The following CSMD1 variants were observed in gnomAD, a reference collection of about 807,000 sequenced individuals.
The protein encoded by CSMD1 is CUB and Sushi multiple domains 1.
A neutral mutation model predicts 417.5 loss-of-function variants in CSMD1; 213 were observed. That is an observed-to-expected ratio of 0.51 (90% CI 0.46 to 0.57). CSMD1 has a LOEUF of 0.57. CSMD1 is among the 20% of genes least tolerant of loss of function. CSMD1 has a pLI of 0.00. For synonymous variants in CSMD1, 2,862 were observed against 1,736.8 expected (o/e 1.65, Z -16.11); for missense variants, 6,923 against 4,529.7 (o/e 1.53, Z -15.17).
chr8:4,593,104 T>C (rs1337068686), intron 2 of CSMD1, among the ~76,000 whole-genome samples: 1 of 152,222 alleles, frequency 6.6e-6, no homozygotes, highest in African/African-American at 2.4e-5. Flanking sequence ...GGGCCATTTC[T>C]TGGTCTCATT....
chr8:3,816,291 A>G (rs569960507), intron 5 of CSMD1, among the ~76,000 whole-genome samples: 2 of 152,264 alleles, frequency 1.3e-5, no homozygotes, highest in South Asian at 4.1e-4. Context: ...GTTGTTCCTC[A>G]TTCTCTGCAG....
chr8:3,322,297 T>A (rs1241078947), intron 23 of CSMD1, among the ~76,000 whole-genome samples: 1 of 152,216 alleles, frequency 6.6e-6, no homozygotes, highest in African/African-American at 2.4e-5. Flanking sequence ...TTAGAGCCAT[T>A]TTATTCCTTT....
intron 5 of CSMD1, among the ~76,000 whole-genome samples, chr8:3,922,648 T>G (rs1464396945): frequency 6.6e-6 from 1 of 152,194 alleles, no homozygotes; most frequent in East Asian, 1.9e-4. Context: ...TTTGGTCACA[T>G]AAAAATAACT....
intron 3 of CSMD1, among the ~76,000 whole-genome samples, chr8:4,253,293 C>T (rs546190355): frequency 1.3e-5 from 2 of 152,116 alleles, no homozygotes; most frequent in Non-Finnish European, 2.9e-5. Context: ...TAGACATTCT[C>T]TCTTCAATAT....
At chr8:3,720,430 T>C (rs543960794) in intron 6 of CSMD1, among the ~76,000 whole-genome samples, 2 of 152,298 alleles carry the variant, frequency 1.3e-5, no homozygotes, top group South Asian at 2.1e-4. Flanking sequence ...GTAAACTATT[T>C]CCTTTAAGCA....
At chr8:3,877,066 G>T (rs1026787503) in intron 5 of CSMD1, among the ~76,000 whole-genome samples, 1 of 152,180 alleles carries the variant, frequency 6.6e-6, no homozygotes, top group African/African-American at 2.4e-5. Context: ...TAACCACAAT[G>T]TCTTAAGGTT....
chr8:3,157,875 G>C (rs552220883), intron 39 of CSMD1, 22 bp downstream of exon 39: 75 of 1,544,114 alleles, frequency 4.9e-5, no homozygotes, highest in South Asian at 4.3e-4. Flanking sequence ...CAGCAGCAGA[G>C]TTACAGAAGG....
chr8:3,662,071 T>C (rs1048505906), intron 7 of CSMD1, among the ~76,000 whole-genome samples: 1 of 152,270 alleles, frequency 6.6e-6, no homozygotes, highest in South Asian at 2.1e-4. Context: ...TCAGTAGTTG[T>C]GTAGAAACAG....
At chr8:3,436,078 GTT>G (rs1814540433) in intron 12 of CSMD1, among the ~76,000 whole-genome samples, 1 of 152,046 alleles carries the variant, frequency 6.6e-6, no homozygotes, top group African/African-American at 2.4e-5. Flanking sequence ...CACACTGCTG[GTT>G]CCACCCTAAG....
intron 1 of CSMD1, among the ~76,000 whole-genome samples, chr8:4,696,551 G>T (rs1385619351): frequency 6.6e-6 from 1 of 152,236 alleles, no homozygotes; most frequent in African/African-American, 2.4e-5. Flanking sequence ...CTAATATTTG[G>T]GGAGGCTACA....
At chr8:4,724,463 A>T (rs927230433) in intron 1 of CSMD1, among the ~76,000 whole-genome samples, 1 of 151,970 alleles carries the variant, frequency 6.6e-6, no homozygotes, top group Non-Finnish European at 1.5e-5. Context: ...TACATTACTT[A>T]TAAGTAGCTG....
chr8:3,454,527 G>T (rs570740152), intron 12 of CSMD1, among the ~76,000 whole-genome samples: 1 of 152,148 alleles, frequency 6.6e-6, no homozygotes, highest in Non-Finnish European at 1.5e-5. Flanking sequence ...GAATCTCTCA[G>T]CATTTGCTTG....
intron 4 of CSMD1, among the ~76,000 whole-genome samples, chr8:4,015,204 A>G (rs1250000718): frequency 2.0e-5 from 3 of 152,208 alleles, no homozygotes; most frequent in African/African-American, 7.2e-5. Context: ...TCTTGTCCTG[A>G]CGTGACAGAT....
intron 3 of CSMD1, among the ~76,000 whole-genome samples, chr8:4,214,752 A>G (rs1401195700): frequency 3.9e-5 from 6 of 152,168 alleles, no homozygotes; most frequent in Non-Finnish European, 1.5e-5. Context: ...CATATTTGAC[A>G]TATTTCCTCT....
At chr8:3,642,022 C>G (rs938733492) in intron 7 of CSMD1, among the ~76,000 whole-genome samples, 4 of 152,122 alleles carry the variant, frequency 2.6e-5, no homozygotes, top group African/African-American at 7.2e-5. Context: ...TTCCCCCTCA[C>G]CACATCTGCA....
At chr8:4,921,379 C>T (rs1329469808) in intron 1 of CSMD1, among the ~76,000 whole-genome samples, 1 of 152,080 alleles carries the variant, frequency 6.6e-6, no homozygotes, top group African/African-American at 2.4e-5. Context: ...CAAAAATTAT[C>T]ATTATTTAAT....
intron 2 of CSMD1, among the ~76,000 whole-genome samples, chr8:4,464,493 A>T (rs1320636234): frequency 1.3e-5 from 2 of 152,186 alleles, no homozygotes; most frequent in African/African-American, 4.8e-5. Flanking sequence ...AGCTTATTTT[A>T]TAATAACACA....
intron 37 of CSMD1, among the ~76,000 whole-genome samples, chr8:3,174,775 G>A (rs1474246412): frequency 6.6e-6 from 1 of 151,810 alleles, no homozygotes; most frequent in Non-Finnish European, 1.5e-5. Flanking sequence ...TTTCTCTTTG[G>A]TTGGGCTGCC....
chr8:3,488,935 G>C (rs913026124), intron 11 of CSMD1, among the ~76,000 whole-genome samples: 2 of 151,930 alleles, frequency 1.3e-5, no homozygotes, highest in African/African-American at 2.4e-5. Context: ...TTTTAAAACC[G>C]AAAATGTATT....
Sources: gnomAD v4.1 joint callset for allele counts (sites outside exome capture counted in the v4.1 genomes callset) on GRCh38, gnomAD v4.1.1 for gene constraint, MANE v1.5 for transcripts, NCBI Gene and HGNC (gene_info 2026-07-23, HGNC 2026-07-21) for gene names.